The following PRPSAP2 variants were observed in gnomAD, a reference collection of about 807,000 sequenced individuals.
PRPSAP2 encodes phosphoribosyl pyrophosphate synthetase associated protein 2.
PRPSAP2 carries 24 observed loss-of-function variants against 40.6 expected under a neutral mutation model. That is an observed-to-expected ratio of 0.59 (90% CI 0.43 to 0.83). The LOEUF (loss-of-function observed/expected upper bound fraction) is 0.83. Among genes scored for constraint, PRPSAP2 ranks in the 40% least tolerant of loss-of-function variants. The pLI, the probability that PRPSAP2 is intolerant of heterozygous loss-of-function variation, is 0.00. For synonymous variants in PRPSAP2, 149 were observed against 164.7 expected (o/e 0.90, Z 0.73); for missense variants, 292 against 465.6 (o/e 0.63, Z 3.43).
chr17:18,926,777 A>AGAGTGT (rs2042000564), intron 10 of PRPSAP2, among the ~76,000 whole-genome samples: 1 of 148,222 alleles, frequency 6.7e-6, no homozygotes, highest in African/African-American at 2.5e-5. Context: ...AGTGAGTGTG[A>AGAGTGT]GTGTGTGTGT....
At chr17:18,880,829 A>G (rs2038676300) in intron 6 of PRPSAP2, among the ~76,000 whole-genome samples, 1 of 151,788 alleles carries the variant, frequency 6.6e-6, no homozygotes, top group Non-Finnish European at 1.5e-5. Flanking sequence ...TATTATGACT[A>G]TTTTTTATTT....
At position 18,884,182 on chromosome 17, in the gene PRPSAP2, G is replaced by A. The variant is rs1192463702; in HGVS notation, c.528+1499G>A. ...CTTGGGAGGCTGAGGCAGGAGAATT[G>A]CTTGAACCTGGGAGGTGGAGGTTAC... is the stretch of plus-strand genomic sequence containing the variant. On this transcript the variant is annotated intron_variant, in intron 7 of 11. Transcript: ENST00000268835. Among the ~76,000 whole-genome samples the A allele has an allele frequency of 2.6e-5, 4 of 152,220 alleles. No homozygotes were observed. In the East Asian group the frequency reaches 5.8e-4, roughly 22 times the overall value.
intron 9 of PRPSAP2, among the ~76,000 whole-genome samples, chr17:18,915,367 A>G (rs1458724056): frequency 6.6e-6 from 1 of 152,144 alleles, no homozygotes; most frequent in African/African-American, 2.4e-5. Flanking sequence ...ATGACCACTT[A>G]GATCATTTCT....
At position 18,906,698 on chromosome 17, in the gene PRPSAP2, G is replaced by GTGTT. The variant is rs371523302; in HGVS notation, c.585-4388_585-4385dup. Reference sequence around the variant, plus strand: ...GATGATTTAAGCATGAGTTTTTTGTGTGTTTGTTTGTTTGTTTGTTCGTTT... The same window carrying GTGTT: ...GATGATTTAAGCATGAGTTTTTTGTGTGTTTGTTTGTTTGTTTGTTTGTTCGTTT... On this transcript the variant is annotated intron_variant, in intron 8 of 11. Transcript: ENST00000268835. Among the ~76,000 whole-genome samples the GTGTT allele has an allele frequency of 6.6e-5, 10 of 151,684 alleles. No homozygotes were observed. The South Asian group carries it at 8.3e-4, about 13-fold the overall frequency.
intron 8 of PRPSAP2, 129 bp from the exon 9 acceptor site, chr17:18,910,974 A>G (rs549581358): frequency 1.0e-5 from 12 of 1,147,122 alleles, no homozygotes; most frequent in Non-Finnish European, 1.4e-5. Flanking sequence ...AGGCTGTTTT[A>G]TTCTCTCTTT....
intron 1 of PRPSAP2, among the ~76,000 whole-genome samples, chr17:18,863,494 C>T (rs924041349): frequency 5.3e-5 from 8 of 151,130 alleles, no homozygotes; most frequent in Non-Finnish European, 1.2e-4. Flanking sequence ...TTCTTTCTTT[C>T]TTTTCTTTCT....
rs114939637 is a variant in PRPSAP2 at position 18,901,321 on chromosome 17, C to T, written c.585-9782C>T. Among the ~76,000 whole-genome samples, 155 of 152,258 alleles carry T rather than the reference C, an allele frequency of 1.0e-3. 1 individual carries two copies. The highest frequency in any genetic ancestry group is 3.5e-3 in the African/African-American group (147 of 41,556). ...AAGGAATGCCCAAGGAAGCCACCAC[C>T]GTGACGTTGCTCAGGTCCTGAGGTC... On this transcript the variant is annotated intron_variant, in intron 8 of 11. Transcript: ENST00000268835.
chr17:18,859,334 A>T (rs1261866925), intron 1 of PRPSAP2: 1 of 152,254 alleles, frequency 6.6e-6, no homozygotes, highest in Non-Finnish European at 1.5e-5. Flanking sequence ...TGCTCTCTGT[A>T]TGCAGAATTC....
At chr17:18,857,350 C>A (rs1406720741), upstream of PRPSAP2, among the ~76,000 whole-genome samples, 2 of 151,082 alleles carry the variant, frequency 1.3e-5, no homozygotes, top group Non-Finnish European at 3.0e-5. Flanking sequence ...AAAAAACTAA[C>A]AAACGAACAA....
chr17:18,900,375 C>T (rs954960786), intron 8 of PRPSAP2, among the ~76,000 whole-genome samples: 1 of 152,098 alleles, frequency 6.6e-6, no homozygotes, highest in African/African-American at 2.4e-5. Context: ...TTTGTTTAGA[C>T]TTCTTGTTTT....
chr17:18,890,252 C>T (rs1337944987), intron 8 of PRPSAP2, among the ~76,000 whole-genome samples: 6 of 152,046 alleles, frequency 3.9e-5, no homozygotes, highest in African/African-American at 1.4e-4. Context: ...TCACCACAAC[C>T]TCCACCTCCT....
chr17:18,901,714 G>A (rs559685784), intron 8 of PRPSAP2, among the ~76,000 whole-genome samples: 1 of 152,088 alleles, frequency 6.6e-6, no homozygotes, highest in African/African-American at 2.4e-5. Context: ...ACATCCAGGG[G>A]TTTTAGTTGT....
At chr17:18,861,750 A>C (rs747348190) in intron 1 of PRPSAP2, among the ~76,000 whole-genome samples, 4 of 152,212 alleles carry the variant, frequency 2.6e-5, no homozygotes, top group Non-Finnish European at 5.9e-5. Context: ...AAATATACAA[A>C]GGCAGGAGAG....
At chr17:18,918,585 C>T (rs1174599079) in intron 9 of PRPSAP2, among the ~76,000 whole-genome samples, 1 of 152,232 alleles carries the variant, frequency 6.6e-6, no homozygotes, top group Non-Finnish European at 1.5e-5. Flanking sequence ...CACAAAGGCT[C>T]TCGATCCGGG....
rs570489321 is a variant in PRPSAP2, at chr17:18,866,291, G to A, written c.119+339G>A. Among the ~76,000 whole-genome samples the A allele has an allele frequency of 2.0e-4, 31 of 152,186 alleles. No homozygotes were observed. The South Asian group carries it at 6.0e-3, about 29-fold the overall frequency. ...AGTATAAAGCACACTGGGGCCAGGC[G>A]CGGTGGCTCACGCCTGTAATCCCAG... On this transcript the variant is annotated intron_variant, in intron 3 of 11. Coordinates refer to ENST00000268835, the MANE Select transcript of PRPSAP2 (RefSeq NM_002767.4).
chr17:18,860,625 A>G (rs2036937905), intron 1 of PRPSAP2: 1 of 152,234 alleles, frequency 6.6e-6, no homozygotes, highest in Admixed American at 6.5e-5. Flanking sequence ...TGATGTCCAC[A>G]TGGCCTAGTA....
intron 3 of PRPSAP2, 69 bp from the exon 4 acceptor site, chr17:18,867,213 C>G: frequency 7.0e-7 from 1 of 1,429,738 alleles, no homozygotes; most frequent in Non-Finnish European, 9.8e-7. Flanking sequence ...TTACGAGTCT[C>G]CTTAAATAGT....
At chr17:18,894,097 C>T (rs2039758243) in intron 8 of PRPSAP2, among the ~76,000 whole-genome samples, 1 of 151,810 alleles carries the variant, frequency 6.6e-6, no homozygotes, top group South Asian at 2.1e-4. Context: ...AGGTGATCCA[C>T]CCACCTCTGA....
chr17:18,863,831 CTTT>C (rs34770102), intron 1 of PRPSAP2, among the ~76,000 whole-genome samples: 2 of 86,052 alleles, frequency 2.3e-5, no homozygotes, highest in Non-Finnish European at 4.3e-5. Context: ...ACTGCGTGGC[CTTT>C]TTTTTTTTTT....
Sources: gnomAD v4.1 joint callset for allele counts (sites outside exome capture counted in the v4.1 genomes callset) on GRCh38, gnomAD v4.1.1 for gene constraint, MANE v1.5 for transcripts, NCBI Gene and HGNC (gene_info 2026-07-23, HGNC 2026-07-21) for gene names.